The following SPIN1 variants were observed in gnomAD, a reference collection of about 807,000 sequenced individuals.
SPIN1 encodes the protein spindlin 1, also known as spindlin-1.
In SPIN1, 3 loss-of-function variants were observed where a neutral mutation model predicts 26.0. The ratio of observed to expected loss-of-function variants is 0.12; its 90% CI spans 0.05 to 0.30. The LOEUF is 0.30. SPIN1 is among the 10% of genes least tolerant of loss of function. SPIN1 has a pLI of 1.00. For missense variants in SPIN1, 126 were observed against 333.4 expected (o/e 0.38, Z 4.84); for synonymous variants, 101 against 116.5 (o/e 0.87, Z 0.86).
intron 5 of SPIN1, among the ~76,000 whole-genome samples, chr9:88,468,915 T>A (rs189382994): frequency 6.6e-6 from 1 of 152,322 alleles, no homozygotes; most frequent in African/African-American, 2.4e-5. Context: ...GTAAAATACG[T>A]CCCCGTGTAC....
At chr9:88,445,349 C>T (rs1427789695) in intron 2 of SPIN1, among the ~76,000 whole-genome samples, 1 of 151,940 alleles carries the variant, frequency 6.6e-6, no homozygotes, top group Non-Finnish European at 1.5e-5. Flanking sequence ...CTTAATTCTT[C>T]ACCCATTAGC....
rs114044027 is a variant in SPIN1, at chr9:88,401,408, A to G, written c.-159+12870A>G. ...CCCTCCATATCAGGGAATTGGTTCC[A>G]GGACCCACACTCCGCCTGCCTCCCC... On this transcript the variant is annotated intron_variant, in intron 1 of 5. Transcript: ENST00000375859. Among the ~76,000 whole-genome samples, 1,128 of 152,222 alleles carry G rather than the reference A, an allele frequency of 7.4e-3. 15 individuals are homozygous for G. Among genetic ancestry groups the G allele is most frequent in the African/African-American group, 0.025 (1,055 of 41,544 alleles).
chr9:88,475,426 G>A lies in SPIN1; in HGVS notation c.*149G>A, dbSNP rs1828871081. ...AGCAGAACTGGTTTTGTTCTGAATA[G>A]TACAGATTGATGTGAACACAAAGCA... On this transcript the variant is annotated 3_prime_UTR_variant, in exon 6 of 6. Transcript: ENST00000375859. 1.4e-6 allele frequency: 1 copy of A among 701,920 alleles called. No individual in the cohort carries two copies. The highest frequency in any genetic ancestry group is 2.3e-6 in the Non-Finnish European group (1 of 440,010). 43.5% of individuals were successfully genotyped at this position (701,920 alleles called of 1,614,324 possible). A position where few individuals can be genotyped will look rare whatever the true frequency, so the allele number is the denominator to read the frequency against.
Position 88,475,066 on chromosome 9 carries a change from TTTTTA to T in SPIN1, c.590-11_590-7del. The T allele has an allele frequency of 7.3e-7, 1 of 1,367,302 alleles. No homozygotes were observed. The highest frequency in any genetic ancestry group is 1.5e-5 in the African/African-American group (1 of 67,142). 84.7% of individuals were successfully genotyped at this position (1,367,302 alleles called of 1,614,324 possible). A position where few individuals can be genotyped will look rare whatever the true frequency, so the allele number is the denominator to read the frequency against. Reference sequence around the variant, plus strand: ...CTCTCTCTTTTTTTTTTTTTTTTTTTTTTTAATATAGATGATTCACCTCCAGCAGA... The same window carrying T: ...CTCTCTCTTTTTTTTTTTTTTTTTTTATATAGATGATTCACCTCCAGCAGA... On this transcript the variant is annotated splice_polypyrimidine_tract_variant and splice_region_variant and intron_variant, in intron 5 of 5. Transcript: ENST00000375859.
rs763007349 is a variant in SPIN1, at chr9:88,477,982, G to T, written c.*2705G>T. 2.6e-5 allele frequency: 4 copies of T among 151,984 alleles called. No homozygotes were observed. The highest frequency in any genetic ancestry group is 5.9e-5 in the Non-Finnish European group (4 of 68,012). 9.4% of individuals were successfully genotyped at this position (151,984 alleles called of 1,614,324 possible). On this transcript the variant is annotated 3_prime_UTR_variant, in exon 6 of 6. Transcript: ENST00000375859. The stretch of plus-strand genomic sequence containing the variant: ...AAAATTGCATGTTAAAGATATTTAG[G>T]TTTTTTTGTTTTCTTTATTTTTATT...
At chr9:88,438,942 C>G (rs1482243735) in intron 2 of SPIN1, among the ~76,000 whole-genome samples, 1 of 152,060 alleles carries the variant, frequency 6.6e-6, no homozygotes, top group Non-Finnish European at 1.5e-5. Flanking sequence ...ACTTTTAAGA[C>G]AAAAACTTGT....
chr9:88,437,079 T>C (rs1048815757), intron 2 of SPIN1, among the ~76,000 whole-genome samples: 2 of 152,164 alleles, frequency 1.3e-5, no homozygotes, highest in African/African-American at 2.4e-5. Context: ...CTGTGTCTTT[T>C]TATGGCTTGA....
intron 4 of SPIN1, among the ~76,000 whole-genome samples, chr9:88,463,671 C>G (rs1828612003): frequency 6.6e-6 from 1 of 152,128 alleles, no homozygotes. Context: ...TTGTTTTACT[C>G]TTCTCTTTAG....
intron 4 of SPIN1, among the ~76,000 whole-genome samples, chr9:88,465,120 A>G (rs936983823): frequency 6.6e-6 from 1 of 152,214 alleles, no homozygotes. Flanking sequence ...CATTGTATCT[A>G]TATACCACAG....
At chr9:88,390,879 TGTCA>T (rs1416508014) in intron 1 of SPIN1, among the ~76,000 whole-genome samples, 1 of 152,200 alleles carries the variant, frequency 6.6e-6, no homozygotes, top group East Asian at 1.9e-4. Context: ...TACTCAAATA[TGTCA>T]GTTTTATTTT....
intron 1 of SPIN1, among the ~76,000 whole-genome samples, chr9:88,402,999 G>A (rs2117917169): frequency 6.6e-6 from 1 of 152,282 alleles, no homozygotes; most frequent in African/African-American, 2.4e-5. Context: ...TATCCTAACT[G>A]TGGTAAGGTG....
intron 3 of SPIN1, among the ~76,000 whole-genome samples, chr9:88,459,812 C>T (rs544022698): frequency 1.3e-5 from 2 of 152,284 alleles, no homozygotes; most frequent in African/African-American, 4.8e-5. Flanking sequence ...CTGACATGTT[C>T]GTTACAGTTT....
intron 1 of SPIN1, among the ~76,000 whole-genome samples, chr9:88,390,102 T>C (rs1195517191): frequency 1.3e-5 from 2 of 152,234 alleles, no homozygotes; most frequent in Admixed American, 6.5e-5. Flanking sequence ...TATAATCTTT[T>C]GAGTAGTGAA....
At chr9:88,440,303 T>A (rs1828093073) in intron 2 of SPIN1, among the ~76,000 whole-genome samples, 2 of 150,688 alleles carry the variant, frequency 1.3e-5, no homozygotes, top group African/African-American at 2.4e-5. Flanking sequence ...ATATCAAGGA[T>A]ATTTTTTGTT....
intron 1 of SPIN1, among the ~76,000 whole-genome samples, chr9:88,401,164 C>T (rs1308908807): frequency 6.6e-6 from 1 of 152,186 alleles, no homozygotes; most frequent in Non-Finnish European, 1.5e-5. Context: ...CCAGCAGTTT[C>T]ACTGCTAGGA....
intron 1 of SPIN1, among the ~76,000 whole-genome samples, chr9:88,416,129 A>C (rs968653332): frequency 5.3e-5 from 8 of 152,180 alleles, no homozygotes; most frequent in South Asian, 4.1e-4. Context: ...TTTTCTTTCC[A>C]GAACTATAAA....
chr9:88,392,174 T>G (rs1320117545), intron 1 of SPIN1, among the ~76,000 whole-genome samples: 1 of 152,206 alleles, frequency 6.6e-6, no homozygotes, highest in Middle Eastern at 3.2e-3. Context: ...TGAACTTAGC[T>G]GTAGTTATTA....
intron 3 of SPIN1, among the ~76,000 whole-genome samples, chr9:88,451,011 T>A (rs1242687676): frequency 1.3e-5 from 2 of 152,150 alleles, no homozygotes; most frequent in Non-Finnish European, 1.5e-5. Context: ...TAAGGTTGGC[T>A]TAATCCTGTC....
intron 2 of SPIN1, among the ~76,000 whole-genome samples, chr9:88,442,168 G>A (rs1212393286): frequency 6.6e-6 from 1 of 151,646 alleles, no homozygotes; most frequent in Admixed American, 6.6e-5. Flanking sequence ...TACAAGGCAG[G>A]TCTGTTGGTG....
Sources: gnomAD v4.1 joint callset for allele counts (sites outside exome capture counted in the v4.1 genomes callset) on GRCh38, gnomAD v4.1.1 for gene constraint, MANE v1.5 for transcripts, NCBI Gene and HGNC (gene_info 2026-07-23, HGNC 2026-07-21) for gene names.